The following GREB1L variants were observed in gnomAD, a reference collection of about 807,000 sequenced individuals.
GREB1L encodes the protein GREB1-like protein.
GREB1L carries 17 observed loss-of-function variants against 200.8 expected under a neutral mutation model. That is an observed-to-expected ratio of 0.08 (90% confidence interval 0.06 to 0.13). The LOEUF (loss-of-function observed/expected upper bound fraction) is 0.13, where lower values mean the gene tolerates loss of function less well. Among genes scored for constraint, GREB1L ranks in the 10% least tolerant of loss-of-function variants. The probability of loss-of-function intolerance (pLI) is 1.00; values close to 1 mark genes in which losing one functional copy is unlikely to be tolerated. For missense variants in GREB1L, 1,657 were observed against 2,367.7 expected, an observed-to-expected ratio of 0.70 and a Z score of 6.23; for synonymous variants, 789 against 893.0, an observed-to-expected ratio of 0.88 and a Z score of 2.08.
intron 16 of GREB1L, among the ~76,000 whole-genome samples, chr18:21,476,768 G>A (rs888441566): frequency 6.6e-6 from 1 of 151,288 alleles, no homozygotes; most frequent in Non-Finnish European, 1.5e-5. Flanking sequence ...TAATAGAGAC[G>A]GGGTTTCACC....
intron 18 of GREB1L, among the ~76,000 whole-genome samples, chr18:21,488,026 C>T (rs571344675): frequency 2.0e-5 from 3 of 148,042 alleles, no homozygotes; most frequent in South Asian, 2.2e-4. Context: ...AAAAAAAGAC[C>T]GGGTGCAGTG....
At chr18:21,508,032 C>A in intron 25 of GREB1L, 86 bp from the exon 26 acceptor site, 1 of 1,303,370 alleles carries the variant, frequency 7.7e-7, no homozygotes, top group Non-Finnish European at 1.1e-6. Flanking sequence ...GTTTCCATCT[C>A]TTAATAACAA....
At chr18:21,489,929 T>G (rs2036265622) in intron 18 of GREB1L, 83 bp from the exon 19 acceptor site, 2 of 980,212 alleles carry the variant, frequency 2.0e-6, no homozygotes. Context: ...CCACCATGCT[T>G]AATCTGCATT....
At chr18:21,424,660 C>T (rs1179897692) in intron 7 of GREB1L, among the ~76,000 whole-genome samples, 1 of 152,098 alleles carries the variant, frequency 6.6e-6, no homozygotes, top group African/African-American at 2.4e-5. Context: ...GCAATTCATC[C>T]ATTAAAAGTA....
chr18:21,511,193 C>T (rs1331009018), intron 27 of GREB1L, among the ~76,000 whole-genome samples: 2 of 151,990 alleles, frequency 1.3e-5, no homozygotes, highest in African/African-American at 4.8e-5. Context: ...TGACCAACCC[C>T]GTCTCTACTA....
intron 30 of GREB1L, among the ~76,000 whole-genome samples, chr18:21,517,722 G>A (rs1182024488): frequency 6.6e-6 from 1 of 152,172 alleles, no homozygotes; most frequent in Non-Finnish European, 1.5e-5. Context: ...GTTAGGATGA[G>A]ATAGGATTTA....
intron 12 of GREB1L, 74 bp downstream of exon 12, chr18:21,449,910 T>C: frequency 8.5e-7 from 1 of 1,177,814 alleles, no homozygotes; most frequent in Non-Finnish European, 1.2e-6. Context: ...ATGTGTGTTA[T>C]GTGTTTCAGG....
At chr18:21,389,273 A>G (rs941536132) in intron 4 of GREB1L, among the ~76,000 whole-genome samples, 1 of 149,972 alleles carries the variant, frequency 6.7e-6, no homozygotes, top group Admixed American at 6.7e-5. Context: ...TCAGTTTTGG[A>G]CATTGGGATC....
intron 27 of GREB1L, 113 bp from the exon 28 acceptor site, chr18:21,513,708 T>C: frequency 5.1e-6 from 5 of 973,580 alleles, no homozygotes. Context: ...CCCACCTGCA[T>C]GGTTCCCATG....
Position 21,523,006 on chromosome 18 carries a change from C to G in GREB1L, c.*185C>G. On this transcript the variant is annotated 3_prime_UTR_variant, in exon 33 of 33. Transcript: ENST00000424526. ...TTGGGGACATCACTTTCCTTCAGTT[C>G]CAATTACAGGACCCTTAAATTCAGG... 1 of 543,886 alleles carries G rather than the reference C, an allele frequency of 1.8e-6. No individual in the cohort carries two copies. The highest frequency in any genetic ancestry group is 3.2e-6 in the Non-Finnish European group (1 of 314,724). 33.7% of individuals were successfully genotyped at this position (543,886 alleles called of 1,614,324 possible).
intron 1 of GREB1L, among the ~76,000 whole-genome samples, chr18:21,270,978 G>C (rs1398394209): frequency 6.6e-6 from 1 of 152,182 alleles, no homozygotes; most frequent in Non-Finnish European, 1.5e-5. Context: ...CACTACACTT[G>C]AGTTCACACA....
At chr18:21,303,266 A>G (rs1204297370) in intron 1 of GREB1L, among the ~76,000 whole-genome samples, 2 of 152,134 alleles carry the variant, frequency 1.3e-5, no homozygotes, top group African/African-American at 4.8e-5. Flanking sequence ...TATGCACTGT[A>G]TTTTCACCCT....
intron 1 of GREB1L, among the ~76,000 whole-genome samples, chr18:21,362,615 T>C (rs912551030): frequency 2.0e-5 from 3 of 152,188 alleles, no homozygotes; most frequent in African/African-American, 7.2e-5. Flanking sequence ...GGTTTTCCTG[T>C]GTTGCTCGAT....
At chr18:21,244,742 T>C (rs1016007276) in intron 1 of GREB1L, among the ~76,000 whole-genome samples, 31 of 152,156 alleles carry the variant, frequency 2.0e-4, no homozygotes, top group Non-Finnish European at 1.3e-4. Flanking sequence ...GCTACTCTCC[T>C]TACCCACAGA....
intron 1 of GREB1L, among the ~76,000 whole-genome samples, chr18:21,291,756 T>A (rs2038454020): frequency 6.6e-6 from 1 of 152,004 alleles, no homozygotes; most frequent in Non-Finnish European, 1.5e-5. Context: ...ACTAAAACCT[T>A]AAAGAGAAAT....
chr18:21,486,269 G>A (rs2036124209), intron 18 of GREB1L, among the ~76,000 whole-genome samples: 1 of 151,852 alleles, frequency 6.6e-6, no homozygotes, highest in African/African-American at 2.4e-5. Context: ...CAGGAGAATG[G>A]TGTGAACCCG....
Position 21,396,491 on chromosome 18 carries a change from G to T in GREB1L, c.532+930G>T, listed in dbSNP as rs549710180. ...CTCTATAGTCATTGATATCAAGTCA[G>T]CTCTGATATTGGACCTGATATCAAG... On this transcript the variant is annotated intron_variant, in intron 5 of 32. Transcript: ENST00000424526. Among the ~76,000 whole-genome samples the T allele has an allele frequency of 5.9e-5, 9 of 152,246 alleles. 1 individual carries two copies. Among genetic ancestry groups the T allele is most frequent in the African/African-American group, 2.2e-4 (9 of 41,544 alleles).
intron 27 of GREB1L, chr18:21,508,828 C>A (rs996252181): frequency 7.4e-6 from 4 of 540,768 alleles, no homozygotes; most frequent in Non-Finnish European, 1.3e-5. Flanking sequence ...AGGAAGAAGT[C>A]ACTGGTGTAC....
intron 30 of GREB1L, among the ~76,000 whole-genome samples, chr18:21,517,590 T>A (rs575402145): frequency 1.7e-4 from 26 of 152,314 alleles, no homozygotes; most frequent in African/African-American, 5.8e-4. Flanking sequence ...GTAATAAAGA[T>A]CAAAACCTGT....
Sources: gnomAD v4.1 joint callset for allele counts (sites outside exome capture counted in the v4.1 genomes callset) on GRCh38, gnomAD v4.1.1 for gene constraint, MANE v1.5 for transcripts, NCBI Gene and HGNC (gene_info 2026-07-23, HGNC 2026-07-21) for gene names.